The following DCAF5 variants were observed in gnomAD, a reference collection of about 807,000 sequenced individuals.
DCAF5 encodes the protein DDB1 and CUL4 associated factor 5.
DCAF5 carries 9 observed loss-of-function variants against 80.7 expected under a neutral mutation model. The observed-to-expected ratio is 0.11, with a 90% CI of 0.07 to 0.19. The LOEUF is 0.19. DCAF5 is among the 10% of genes least tolerant of loss of function. DCAF5 has a pLI of 1.00. For missense variants in DCAF5, 842 were observed against 1,205.7 expected, an observed-to-expected ratio of 0.70 and a Z score of 4.47; for synonymous variants, 433 against 461.9, an observed-to-expected ratio of 0.94 and a Z score of 0.80.
At chr14:69,139,185 GA>G (rs952096501) in intron 1 of DCAF5, among the ~76,000 whole-genome samples, 1 of 151,272 alleles carries the variant, frequency 6.6e-6, no homozygotes, top group Non-Finnish European at 1.5e-5. Flanking sequence ...AGAGAAAGAA[GA>G]AAAAAAGAAA....
intron 5 of DCAF5, among the ~76,000 whole-genome samples, chr14:69,104,907 T>C (rs1026675110): frequency 6.6e-6 from 1 of 151,986 alleles, no homozygotes; most frequent in African/African-American, 2.4e-5. Flanking sequence ...TAAAAAGACT[T>C]AGAAGTCAAA....
chr14:69,116,716 A>G (rs1046408306), intron 4 of DCAF5, among the ~76,000 whole-genome samples: 1 of 152,196 alleles, frequency 6.6e-6, no homozygotes, highest in Non-Finnish European at 1.5e-5. Context: ...ATTTTAAGCT[A>G]TAACACCCAG....
chr14:69,098,921 G>GA (rs1166576421), intron 5 of DCAF5, among the ~76,000 whole-genome samples: 1 of 132,180 alleles, frequency 7.6e-6, no homozygotes, highest in Non-Finnish European at 1.6e-5. Flanking sequence ...AAAAAGAAAA[G>GA]AAAAAAAAGA....
chr14:69,094,494 G>A (rs2039634774), intron 5 of DCAF5, among the ~76,000 whole-genome samples: 1 of 152,168 alleles, frequency 6.6e-6, no homozygotes, highest in African/African-American at 2.4e-5. Context: ...AATGCTTAGG[G>A]GTGCTATTTA....
At chr14:69,090,790 T>G in intron 6 of DCAF5, 1 of 279,796 alleles carries the variant, frequency 3.6e-6, no homozygotes, top group African/African-American at 2.2e-5. Context: ...AAATTTGACA[T>G]AGTTGACCCA....
chr14:69,056,690 T>A (rs901693088), intron 8 of DCAF5, among the ~76,000 whole-genome samples: 2 of 152,158 alleles, frequency 1.3e-5, no homozygotes, highest in Non-Finnish European at 2.9e-5. Context: ...TTCCCCATCC[T>A]TCATCTAGAC....
chr14:69,152,747 G>T lies in DCAF5; in HGVS notation c.214+18C>A, dbSNP rs748162284. Reference sequence around the variant, plus strand: ...GAGGGTGCGGGGAGGCGCGGGGAGGGGAAGGGGGTTGATTTACCTGAGACC... The same window carrying T: ...GAGGGTGCGGGGAGGCGCGGGGAGGTGAAGGGGGTTGATTTACCTGAGACC... On this transcript the variant is annotated intron_variant, in intron 1 of 8. Coordinates refer to ENST00000341516, the MANE Select transcript of DCAF5 (RefSeq NM_003861.3). The surrounding 1 kb of genome is among the most constrained non-coding windows in gnomAD (Gnocchi z 4.1). 1 of 1,606,234 alleles carries T rather than the reference G, an allele frequency of 6.2e-7. No individual in the cohort carries two copies. The highest frequency in any genetic ancestry group is 1.1e-5 in the South Asian group (1 of 90,410).
At chr14:69,110,295 G>C (rs1203225694) in intron 5 of DCAF5, among the ~76,000 whole-genome samples, 9 of 118,602 alleles carry the variant, frequency 7.6e-5, no homozygotes, top group African/African-American at 2.8e-4. Flanking sequence ...TTTTGAGACA[G>C]AGTCTCACTC....
chr14:69,080,067 A>G (rs926159088), intron 6 of DCAF5, among the ~76,000 whole-genome samples: 4 of 152,192 alleles, frequency 2.6e-5, no homozygotes, highest in Admixed American at 6.5e-5. Flanking sequence ...GAGAGCAGAC[A>G]GAGTTCTGGC....
At chr14:69,101,579 AAAG>A (rs1224969077) in intron 5 of DCAF5, among the ~76,000 whole-genome samples, 1 of 152,230 alleles carries the variant, frequency 6.6e-6, no homozygotes, top group Non-Finnish European at 1.5e-5. Context: ...TTAACTGGCA[AAAG>A]AAGATAAATC....
chr14:69,128,338 C>G (rs2040936898), intron 1 of DCAF5, among the ~76,000 whole-genome samples: 2 of 151,946 alleles, frequency 1.3e-5, no homozygotes, highest in Admixed American at 1.3e-4. Flanking sequence ...AGGCAAGCAC[C>G]ACCACACCCA....
chr14:69,053,754 A>G lies in DCAF5; in HGVS notation c.*103T>C. ...ACACAAAATTTCAGGCCCTGGTTTCATGTGCCTTTAATACTTGTTTTTCCT... is the reference window on the plus strand; with the variant it reads ...ACACAAAATTTCAGGCCCTGGTTTCGTGTGCCTTTAATACTTGTTTTTCCT... On this transcript the variant is annotated 3_prime_UTR_variant, in exon 9 of 9. Coordinates refer to ENST00000341516, the MANE Select transcript of DCAF5 (RefSeq NM_003861.3). The G allele has an allele frequency of 8.5e-7, 1 of 1,169,974 alleles. No individual in the cohort carries two copies. The highest frequency in any genetic ancestry group is 1.2e-6 in the Non-Finnish European group (1 of 859,496). 72.5% of individuals were successfully genotyped at this position (1,169,974 alleles called of 1,614,324 possible). A position where few individuals can be genotyped will look rare whatever the true frequency, so the allele number is the denominator to read the frequency against.
chr14:69,128,875 TGAAA>T (rs1164278139), intron 1 of DCAF5, among the ~76,000 whole-genome samples: 1 of 151,550 alleles, frequency 6.6e-6, no homozygotes, highest in African/African-American at 2.4e-5. Flanking sequence ...CCCAGTACTT[TGAAA>T]GGTCGAGGTG....
At chr14:69,145,834 CTTCT>C (rs1040070109) in intron 1 of DCAF5, among the ~76,000 whole-genome samples, 4 of 152,132 alleles carry the variant, frequency 2.6e-5, no homozygotes, top group African/African-American at 7.2e-5. Context: ...CAATTAGTTT[CTTCT>C]TTCTTAAGAC....
intron 1 of DCAF5, among the ~76,000 whole-genome samples, chr14:69,131,054 A>C (rs567474644): frequency 6.6e-6 from 1 of 152,204 alleles, no homozygotes; most frequent in Admixed American, 6.5e-5. Flanking sequence ...TTGTGTCCGT[A>C]AAGTATCATC....
chr14:69,104,177 T>G (rs1288176372), intron 5 of DCAF5, among the ~76,000 whole-genome samples: 12 of 152,234 alleles, frequency 7.9e-5, no homozygotes, highest in Admixed American at 7.9e-4. Flanking sequence ...ACAAACTGTT[T>G]CCCAGAGTGG....
At chr14:69,122,131 G>A (rs984198520) in intron 2 of DCAF5, 86 bp downstream of exon 2, 9 of 1,494,608 alleles carry the variant, frequency 6.0e-6, no homozygotes, top group South Asian at 1.2e-5. Context: ...TGAAATACAG[G>A]AAGAAAAATA....
At position 69,053,724 on chromosome 14, in the gene DCAF5, ATCAGACACAAAATT is replaced by A; in HGVS notation, c.*119_*132del. 1.2e-6 allele frequency: 1 copy of A among 806,564 alleles called. No individual in the cohort carries two copies. The highest frequency in any genetic ancestry group is 1.9e-6 in the Non-Finnish European group (1 of 530,850). The allele number at this position is 806,564 out of a possible 1,614,324, so 50.0% of individuals were successfully genotyped here. On this transcript the variant is annotated 3_prime_UTR_variant, in exon 9 of 9. Transcript: ENST00000341516. ...TGAATGTTGGATAGAAGGGAGCAGC[ATCAGACACAAAATT>A]TCAGGCCCTGGTTTCATGTGCCTTT...
In DCAF5 at chr14:69,053,643, TC is replaced by T. The variant is rs3832973; in HGVS notation, c.*213del. Reference sequence around the variant, plus strand: ...AGGAGTCACTTGGGTTATTTTTTTTTCCCCTTTCTTAACACAGCACAAGCCA... The same window carrying T: ...AGGAGTCACTTGGGTTATTTTTTTTTCCCTTTCTTAACACAGCACAAGCCA... On this transcript the variant is annotated 3_prime_UTR_variant, in exon 9 of 9. Coordinates refer to ENST00000341516, the MANE Select transcript of DCAF5 (RefSeq NM_003861.3). The T allele has an allele frequency of 0.41, 209,420 of 513,808 alleles. 49,523 individuals are homozygous for T. The highest frequency in any genetic ancestry group is 0.95 in the East Asian group (27,357 of 28,720). The allele number at this position is 513,808 out of a possible 1,614,324, so 31.8% of individuals were successfully genotyped here.
Sources: allele counts gnomAD v4.1 joint callset (sites outside exome capture counted in the v4.1 genomes callset), GRCh38; gene constraint gnomAD v4.1.1; non-coding constraint Gnocchi (gnomAD v3.1); transcripts MANE v1.5; gene names NCBI Gene and HGNC (gene_info 2026-07-23, HGNC 2026-07-21).